The following L3MBTL4 variants were observed in gnomAD, a reference collection of about 807,000 sequenced individuals.
L3MBTL4 encodes lethal(3)malignant brain tumor-like protein 4.
Under a neutral mutation model 84.5 loss-of-function variants are expected in L3MBTL4, and 70 were observed. The ratio of observed to expected loss-of-function variants is 0.83; its 90% CI spans 0.68 to 1.01. The LOEUF (loss-of-function observed/expected upper bound fraction) is 1.01, where lower values mean the gene tolerates loss of function less well. Ranked by LOEUF, L3MBTL4 falls within the 50% of genes least tolerant of loss-of-function variation. The probability of loss-of-function intolerance (pLI) is 0.00; values close to 1 mark genes in which losing one functional copy is unlikely to be tolerated. For missense variants in L3MBTL4, 715 were observed against 754.8 expected, an observed-to-expected ratio of 0.95 and a Z score of 0.62; for synonymous variants, 274 against 259.8, an observed-to-expected ratio of 1.05 and a Z score of -0.52.
At position 6,189,854 on chromosome 18, in the gene L3MBTL4, A is replaced by G. The variant is rs146567065; in HGVS notation, c.982-17912T>C. ...AGCACAAAAAGAAAAAAGAATAGGTAAAAGTAGAAGAGTTCATGAGAGACG... is the reference window on the plus strand; with the variant it reads ...AGCACAAAAAGAAAAAAGAATAGGTGAAAGTAGAAGAGTTCATGAGAGACG... On this transcript the variant is annotated intron_variant, in intron 12 of 18. Transcript: ENST00000317931. Among the ~76,000 whole-genome samples, 82 of 152,302 alleles carry G rather than the reference A, an allele frequency of 5.4e-4. 1 individual carries two copies. In the Middle Eastern group the frequency reaches 0.017, roughly 32 times the overall value.
intron 14 of L3MBTL4, among the ~76,000 whole-genome samples, chr18:6,105,183 ATTTTTTT>A (rs869169400): frequency 7.0e-5 from 7 of 100,424 alleles, no homozygotes; most frequent in Admixed American, 2.4e-4. Context: ...AACACCACCA[ATTTTTTT>A]TTTTTTTTTT....
chr18:6,234,985 C>T (rs573172004), intron 10 of L3MBTL4, among the ~76,000 whole-genome samples: 1 of 152,074 alleles, frequency 6.6e-6, no homozygotes, highest in South Asian at 2.1e-4. Flanking sequence ...TACTATGCAG[C>T]CATAAAAAAA....
At position 6,322,456 on chromosome 18, in the gene L3MBTL4, T is replaced by TGGAAGGAAGGAAGGAAGGAA. The variant is rs199942673; in HGVS notation, c.-90-10420_-90-10401dup. Among the ~76,000 whole-genome samples the TGGAAGGAAGGAAGGAAGGAA allele has an allele frequency of 2.6e-3, 270 of 102,566 alleles. 9 individuals are homozygous for TGGAAGGAAGGAAGGAAGGAA. The highest frequency in any genetic ancestry group is 6.0e-3 in the South Asian group (15 of 2,510). The allele number at this position is 102,566 out of a possible 152,430, so 67.3% of individuals were successfully genotyped here. ...GAGGGAGGAAGGAAAGAAGGAAGGA[T>TGGAAGGAAGGAAGGAAGGAA]GGAAGGAAGGAAGGAAGGAAGGAAG... On this transcript the variant is annotated intron_variant, in intron 1 of 18. Coordinates refer to ENST00000317931, the MANE Select transcript of L3MBTL4 (RefSeq NM_001330559.2).
intron 16 of L3MBTL4, among the ~76,000 whole-genome samples, chr18:6,057,259 C>T (rs143699201): frequency 5.8e-4 from 89 of 152,224 alleles, no homozygotes; most frequent in Non-Finnish European, 1.1e-3. Context: ...AAACTCCTGA[C>T]CTAAGGTGAT....
At chr18:6,021,777 G>A (rs1304238466) in intron 16 of L3MBTL4, among the ~76,000 whole-genome samples, 2 of 152,080 alleles carry the variant, frequency 1.3e-5, no homozygotes, top group Non-Finnish European at 1.5e-5. Context: ...GTGGGGGGGT[G>A]GCGGGTTTAT....
intron 14 of L3MBTL4, among the ~76,000 whole-genome samples, chr18:6,129,368 CTGTGTGTGTGTGTG>C (rs772735191): frequency 7.2e-5 from 10 of 138,226 alleles, no homozygotes; most frequent in African/African-American, 1.1e-4. Flanking sequence ...GGAATTCTCT[CTGTGTGTGTGTGTG>C]TGTGTGTGTG....
intron 13 of L3MBTL4, among the ~76,000 whole-genome samples, chr18:6,156,639 G>A (rs2043117517): frequency 6.6e-6 from 1 of 152,196 alleles, no homozygotes; most frequent in African/African-American, 2.4e-5. Context: ...TCCATATGCT[G>A]ACTTGCATAA....
At chr18:6,250,308 C>A (rs902055102) in intron 5 of L3MBTL4, among the ~76,000 whole-genome samples, 2 of 152,122 alleles carry the variant, frequency 1.3e-5, no homozygotes, top group Non-Finnish European at 2.9e-5. Context: ...ACAAACAAAA[C>A]ACCGTCACCA....
chr18:5,976,200 T>G (rs2144910755), intron 16 of L3MBTL4, among the ~76,000 whole-genome samples: 1 of 152,336 alleles, frequency 6.6e-6, no homozygotes, highest in Admixed American at 6.5e-5. Context: ...TTTTGATCAC[T>G]TAGTAGAAAA....
rs200764338 is a variant in L3MBTL4, at chr18:6,080,977, T to C, written c.1374-26A>G. 157 of 1,540,194 alleles carry C rather than the reference T, an allele frequency of 1.0e-4. 2 individuals are homozygous for C. In the South Asian group the frequency reaches 1.7e-3, roughly 17 times the overall value. On this transcript the variant is annotated intron_variant, in intron 15 of 18. Transcript: ENST00000317931. ...CTGGGCAAAGAACAGAAATAAAATC[T>C]AGATTCATTATCCTGTGAGGTAGGA...
At chr18:6,299,553 G>A (rs1009818427) in intron 4 of L3MBTL4, among the ~76,000 whole-genome samples, 5 of 152,122 alleles carry the variant, frequency 3.3e-5, no homozygotes, top group East Asian at 1.9e-4. Flanking sequence ...GCTGTAACAC[G>A]GGCTTCAGTA....
intron 16 of L3MBTL4, among the ~76,000 whole-genome samples, chr18:5,981,974 C>CTGTGTGTGTGTGTGTGTGTGTG (rs374606293): frequency 2.2e-5 from 3 of 137,328 alleles, no homozygotes; most frequent in African/African-American, 8.3e-5. Context: ...TTTCAATATT[C>CTGTGTGTGTGTGTGTGTGTGTG]TGTGTGTGTG....
chr18:6,007,207 C>T (rs769490283), intron 16 of L3MBTL4, among the ~76,000 whole-genome samples: 22 of 151,664 alleles, frequency 1.5e-4, no homozygotes, highest in African/African-American at 2.4e-4. Flanking sequence ...ACTCATATCA[C>T]GGAGAAAAAT....
chr18:6,224,204 C>T (rs970958816), intron 10 of L3MBTL4, among the ~76,000 whole-genome samples: 1 of 152,084 alleles, frequency 6.6e-6, no homozygotes, highest in African/African-American at 2.4e-5. Context: ...CAACAAAAAT[C>T]CCTGGAAGTG....
chr18:6,112,810 G>A (rs942461302), intron 14 of L3MBTL4, among the ~76,000 whole-genome samples: 2 of 152,108 alleles, frequency 1.3e-5, no homozygotes, highest in African/African-American at 4.8e-5. Context: ...CTTTTGGAGA[G>A]GAAGTCTCTT....
At chr18:6,300,063 T>G (rs2050270598) in intron 4 of L3MBTL4, among the ~76,000 whole-genome samples, 1 of 152,220 alleles carries the variant, frequency 6.6e-6, no homozygotes, top group African/African-American at 2.4e-5. Context: ...TTTTTTTTGT[T>G]ACTATTTCTA....
chr18:6,257,210 G>A (rs1252676825), intron 5 of L3MBTL4, among the ~76,000 whole-genome samples: 2 of 152,024 alleles, frequency 1.3e-5, no homozygotes, highest in Non-Finnish European at 2.9e-5. Context: ...AGCAGTGGAG[G>A]GCTTACTGAG....
At chr18:6,415,025 G>C (rs1370339598), upstream of L3MBTL4, 4 of 152,124 alleles carry the variant, frequency 2.6e-5, no homozygotes, top group Admixed American at 2.6e-4. Context: ...CACACCCCGG[G>C]GAGCCGGGTG....
chr18:6,088,367 T>C (rs1443346555), intron 15 of L3MBTL4, among the ~76,000 whole-genome samples: 1 of 152,044 alleles, frequency 6.6e-6, no homozygotes, highest in African/African-American at 2.4e-5. Context: ...CAATAAGTGT[T>C]AGAAATAGAG....
Sources: allele counts gnomAD v4.1 joint callset (sites outside exome capture counted in the v4.1 genomes callset), GRCh38; gene constraint gnomAD v4.1.1; transcripts MANE v1.5; gene names NCBI Gene and HGNC (gene_info 2026-07-23, HGNC 2026-07-21).